MFSD12: variants seen among roughly 807,000 people sequenced by gnomAD.
MFSD12 encodes the protein major facilitator superfamily domain-containing protein 12.
MFSD12 carries 67 observed loss-of-function variants against 51.2 expected under a neutral mutation model. The ratio of observed to expected loss-of-function variants is 1.31; its 90% confidence interval spans 1.08 to 1.60. The LOEUF (loss-of-function observed/expected upper bound fraction) is 1.60, where lower values mean the gene tolerates loss of function less well. MFSD12 is among the 40% of genes most tolerant of loss of function. The pLI is 0.00. For missense variants in MFSD12, 921 were observed against 673.0 expected (o/e 1.37, Z -4.08); for synonymous variants, 441 against 316.7 (o/e 1.39, Z -4.17).
chr19:3,547,810 A>G, intron 4 of MFSD12, 38 bp downstream of exon 4: 3 of 1,460,762 alleles, frequency 2.1e-6, no homozygotes, highest in Non-Finnish European at 2.7e-6. Flanking sequence ...TGGGTGGGAG[A>G]GAAGGCCCAC....
Position 3,547,935 on chromosome 19 carries a change from T to C in MFSD12, c.750A>G (p.Pro250=). ...RERRRPHAEE[P]GEHTPLLAPA... ...GGGCCAACAGGGGGGTGTGCTCGCC[T>C]GGCTCCTCCGCATGCGGCCGGCGCC... The change falls in exon 4 of 10, where the codon CCA becomes CCG. Residue 250 remains proline (P), a synonymous_variant. Coordinates refer to ENST00000355415, the MANE Select transcript of MFSD12 (RefSeq NM_174983.5). The C allele has an allele frequency of 6.3e-7, 1 of 1,592,844 alleles. No individual in the cohort carries two copies. Among genetic ancestry groups the C allele is most frequent in the Non-Finnish European group, 8.5e-7 (1 of 1,175,928 alleles).
In MFSD12 at chr19:3,544,653, G is replaced by T; in HGVS notation, c.*57C>A. On this transcript the variant is annotated 3_prime_UTR_variant, in exon 10 of 10. Transcript: ENST00000355415. Reference sequence around the variant, plus strand: ...GGGGGCTTTTCCCCAAGGCCCTGGGGGGCATCCTCGTGCGTCCCCACAGTT... The same window carrying T: ...GGGGGCTTTTCCCCAAGGCCCTGGGTGGCATCCTCGTGCGTCCCCACAGTT... 1 of 1,547,734 alleles carries T rather than the reference G, an allele frequency of 6.5e-7. No homozygotes were observed. Among genetic ancestry groups the T allele is most frequent in the Non-Finnish European group, 8.8e-7 (1 of 1,142,234 alleles).
At chr19:3,553,084 G>A (rs1355956006) in intron 1 of MFSD12, among the ~76,000 whole-genome samples, 2 of 152,202 alleles carry the variant, frequency 1.3e-5, no homozygotes, top group African/African-American at 4.8e-5. Context: ...AGCCTCTCCT[G>A]CTGGTTTCTC....
At chr19:3,548,473 T>C (rs978461829) in intron 2 of MFSD12, among the ~76,000 whole-genome samples, 5 of 152,286 alleles carry the variant, frequency 3.3e-5, no homozygotes, top group African/African-American at 1.2e-4. Context: ...AGCTGTGACC[T>C]GCAGCTCCAC....
At chr19:3,545,035 C>T in intron 8 of MFSD12, 96 bp from the exon 9 acceptor site, 21 of 1,451,056 alleles carry the variant, frequency 1.4e-5, no homozygotes, top group Non-Finnish European at 1.9e-5. Context: ...GACAGCGGCT[C>T]CGTCCTGTCC....
chr19:3,541,955 G>A (rs1568248573), downstream of MFSD12: 2 of 396,990 alleles, frequency 5.0e-6, no homozygotes, highest in Non-Finnish European at 6.8e-6. Flanking sequence ...GACCACAGGT[G>A]TCCATCACCA....
intron 2 of MFSD12, among the ~76,000 whole-genome samples, chr19:3,549,746 A>G (rs900835343): frequency 8.8e-5 from 12 of 136,024 alleles, no homozygotes; most frequent in African/African-American, 3.4e-4. Context: ...AAAAAAAGCC[A>G]GGCACAGTGG....
At chr19:3,548,380 C>G in intron 2 of MFSD12, 113 bp from the exon 3 acceptor site, 1 of 1,374,012 alleles carries the variant, frequency 7.3e-7, no homozygotes, top group Non-Finnish European at 9.8e-7. Flanking sequence ...ACAGGTGATT[C>G]CAACCACTGC....
downstream of MFSD12, chr19:3,544,172 C>G (rs574777726): frequency 2.0e-5 from 27 of 1,372,634 alleles, no homozygotes; most frequent in Non-Finnish European, 2.5e-5. Context: ...TGCCCAGAGC[C>G]CCCCCGCAGG....
chr19:3,541,353 C>T (rs576657757), downstream of MFSD12, among the ~76,000 whole-genome samples: 12 of 151,430 alleles, frequency 7.9e-5, no homozygotes, highest in Admixed American at 2.6e-4. Flanking sequence ...AAGAGGGTCT[C>T]GCTCGGTTGC....
chr19:3,556,978 A>G (rs1326707486), intron 1 of MFSD12, 128 bp downstream of exon 1: 1 of 926,984 alleles, frequency 1.1e-6, no homozygotes, highest in East Asian at 3.0e-5. Flanking sequence ...GCCACGGGAC[A>G]GACAGACCGA....
intron 2 of MFSD12, 91 bp downstream of exon 2, chr19:3,550,893 G>A (rs2031433499): frequency 1.5e-5 from 16 of 1,072,418 alleles, no homozygotes; most frequent in East Asian, 5.1e-5. Flanking sequence ...TCGAGCTGCC[G>A]AGTCTGTGGC....
chr19:3,540,646 G>A (rs1289726232), downstream of MFSD12, among the ~76,000 whole-genome samples: 6 of 151,524 alleles, frequency 4.0e-5, no homozygotes, highest in African/African-American at 1.2e-4. Context: ...TTCGGAGGCC[G>A]AGGCAGGCGG....
At chr19:3,543,398 C>T (rs750540981), downstream of MFSD12, 6 of 1,548,716 alleles carry the variant, frequency 3.9e-6, no homozygotes, top group South Asian at 7.1e-5. Context: ...GCCACGGGCC[C>T]CGGCCAGCCC....
At chr19:3,555,448 T>G (rs546060929) in intron 1 of MFSD12, among the ~76,000 whole-genome samples, 42 of 152,240 alleles carry the variant, frequency 2.8e-4, no homozygotes, top group African/African-American at 9.6e-4. Flanking sequence ...CCAACTATTA[T>G]GATCAAAGAG....
rs534722856 is a variant in MFSD12 at position 3,548,208 on chromosome 19, T to A, written c.569A>T (p.His190Leu). 6.4e-7 allele frequency: 1 copy of A among 1,565,212 alleles called. No homozygotes were observed. The highest frequency in any genetic ancestry group is 1.2e-5 in the South Asian group (1 of 86,034). ...CTCCACCCGCGACGAGCCCTGCAGG[T>A]GCAGCAGGAGCCAGGCGGCGCCGTA... The part of the protein sequence containing the change: ...TVYGAAWLLL[H>L]LQGSSRVEPT... Residue 190 changes from histidine to leucine, a missense_variant, in exon 3 of 10, where the codon CAC becomes CTC. His to Leu is a moderately conservative substitution (Grantham distance 99, BLOSUM62 -3). Coordinates refer to ENST00000355415, the MANE Select transcript of MFSD12 (RefSeq NM_174983.5).
chr19:3,543,483 C>G (rs911070340), downstream of MFSD12: 7 of 1,500,550 alleles, frequency 4.7e-6, no homozygotes, highest in African/African-American at 1.4e-5. Flanking sequence ...GGTGAGTGCC[C>G]CCCCCCCCGC....
downstream of MFSD12, chr19:3,543,830 G>T (rs1480325727): frequency 6.5e-7 from 1 of 1,529,528 alleles, no homozygotes; most frequent in Admixed American, 2.0e-5. Context: ...CACCTACAGT[G>T]CTCAACAGGA....
downstream of MFSD12, among the ~76,000 whole-genome samples, chr19:3,541,162 C>CT (rs1170448739): frequency 2.2e-5 from 2 of 91,632 alleles, no homozygotes; most frequent in African/African-American, 4.9e-5. Context: ...GAGCAAGACT[C>CT]TGTCTCAAAA....
Sources: allele counts gnomAD v4.1 joint callset (sites outside exome capture counted in the v4.1 genomes callset), GRCh38; gene constraint gnomAD v4.1.1; transcripts MANE v1.5; gene names NCBI Gene and HGNC (gene_info 2026-07-23, HGNC 2026-07-21).